The following COPG2 variants were observed in gnomAD, a reference collection of about 807,000 sequenced individuals.
COPG2 encodes coat protein complex I subunit gamma 2.
Under a neutral mutation model 46.3 loss-of-function variants are expected in COPG2, and 37 were observed. The ratio of observed to expected loss-of-function variants is 0.80; its 90% CI spans 0.61 to 1.05. The LOEUF is 1.05. Among genes scored for constraint, COPG2 ranks in the 50% least tolerant of loss-of-function variants. The pLI is 0.00. For missense variants in COPG2, 427 were observed against 387.8 expected, an observed-to-expected ratio of 1.10 and a Z score of -0.85; for synonymous variants, 159 against 129.7, an observed-to-expected ratio of 1.23 and a Z score of -1.53.
chr7:130,526,837 T>C (rs1799778914), intron 20 of COPG2, among the ~76,000 whole-genome samples: 1 of 41,440 alleles, frequency 2.4e-5, no homozygotes, highest in African/African-American at 9.3e-5. Context: ...GTGGTGGGGA[T>C]GGGGTTCGGG....
intron 4 of COPG2, among the ~76,000 whole-genome samples, chr7:130,654,729 T>G (rs201683483): frequency 6.6e-6 from 1 of 152,088 alleles, no homozygotes; most frequent in Non-Finnish European, 1.5e-5. Context: ...ACTTCCAAAG[T>G]ATTACCCCAC....
At chr7:130,654,573 CAT>C (rs1290265949) in intron 4 of COPG2, among the ~76,000 whole-genome samples, 24 of 152,100 alleles carry the variant, frequency 1.6e-4, no homozygotes, top group African/African-American at 3.6e-4. Context: ...TATATATACA[CAT>C]ATGTTGATAT....
At position 130,554,580 on chromosome 7, in the gene COPG2, G is replaced by A; in HGVS notation, c.1369C>T (p.His457Tyr). The A allele has an allele frequency of 2.5e-6, 1 of 398,598 alleles. No homozygotes were observed. The highest frequency in any genetic ancestry group is 4.4e-5 in the Admixed American group (1 of 22,734). The allele number at this position is 398,598 out of a possible 1,614,324, so 24.7% of individuals were successfully genotyped here. A position where few individuals can be genotyped will look rare whatever the true frequency, so the allele number is the denominator to read the frequency against. Residue 457 changes from histidine to tyrosine, a missense_variant, in exon 14 of 24, where the codon CAC (histidine) becomes TAC (tyrosine). By Grantham distance (83) the His-to-Tyr change is moderately conservative (BLOSUM62 2). Coordinates refer to ENST00000425248, the MANE Select transcript of COPG2 (RefSeq NM_012133.6). ...CTAGGGCCCTCTTTGCCCAACAAGT[G>A]TAGAATCTTAGTAGCCAGAACAGTG... is the stretch of plus-strand genomic sequence containing the variant. The part of the protein sequence containing the change: ...EHTVLATKIL[H>Y]LLGKEGPRTP...
chr7:130,563,136 A>G lies in COPG2; in HGVS notation c.939+133T>C, dbSNP rs904592739. ...AATGAGCATACTCAAGGCCACAAATACAAGTGAAGTGTTGTAGAGGTGAAG... is the reference window on the plus strand; with the variant it reads ...AATGAGCATACTCAAGGCCACAAATGCAAGTGAAGTGTTGTAGAGGTGAAG... On this transcript the variant is annotated intron_variant, in intron 11 of 23. Coordinates refer to ENST00000425248, the MANE Select transcript of COPG2 (RefSeq NM_012133.6). 403 of 385,150 alleles carry G rather than the reference A, an allele frequency of 1.0e-3. 1 individual carries two copies. The highest frequency in any genetic ancestry group is 1.0e-3 in the Non-Finnish European group (225 of 218,314). The allele number at this position is 385,150 out of a possible 1,614,324, so 23.9% of individuals were successfully genotyped here.
At chr7:130,546,677 G>T (rs1160462089) in intron 20 of COPG2, 1 of 152,236 alleles carries the variant, frequency 6.6e-6, no homozygotes, top group Non-Finnish European at 1.5e-5. Context: ...ACACAGATAA[G>T]ACTGGACAGG....
intron 9 of COPG2, chr7:130,605,323 G>A (rs2116489246): frequency 1.9e-6 from 1 of 513,152 alleles, no homozygotes; most frequent in East Asian, 5.5e-5. Context: ...AGATGTCTAT[G>A]TCTTCATTCC....
At position 130,506,523 on chromosome 7, in the gene COPG2, A is replaced by G; in HGVS notation, c.*153T>C. ...AAACAACCCATGCGCAAAGATAGAC[A>G]TTTGCTTGATCTGCTGGCTCAGGGC... On this transcript the variant is annotated 3_prime_UTR_variant, in exon 24 of 24. Transcript: ENST00000425248. The G allele has an allele frequency of 1.0e-5, 5 of 477,946 alleles. No homozygotes were observed. The South Asian group carries it at 1.5e-4, about 14-fold the overall frequency. 29.6% of individuals were successfully genotyped at this position (477,946 alleles called of 1,614,324 possible).
intron 4 of COPG2, among the ~76,000 whole-genome samples, chr7:130,661,177 A>T (rs1420314967): frequency 6.6e-6 from 1 of 152,220 alleles, no homozygotes; most frequent in East Asian, 1.9e-4. Flanking sequence ...AGACAATTTC[A>T]TATCTTCTTT....
At chr7:130,594,824 A>T (rs1794496257) in intron 9 of COPG2, among the ~76,000 whole-genome samples, 1 of 152,222 alleles carries the variant, frequency 6.6e-6, no homozygotes, top group South Asian at 2.1e-4. Flanking sequence ...CAACCTCTTT[A>T]CACCTACTGG....
At chr7:130,532,338 T>A (rs1042669105) in intron 20 of COPG2, among the ~76,000 whole-genome samples, 1 of 151,798 alleles carries the variant, frequency 6.6e-6, no homozygotes, top group African/African-American at 2.4e-5. Context: ...GGATGTGGGC[T>A]GTGCGGGTGA....
intron 20 of COPG2, 47 bp from the exon 21 acceptor site, chr7:130,508,706 A>AG (rs1409055519): frequency 1.6e-6 from 1 of 628,876 alleles, no homozygotes; most frequent in Non-Finnish European, 2.9e-6. Flanking sequence ...AGTGCAAGGG[A>AG]GACGTTTCCA....
intron 5 of COPG2, among the ~76,000 whole-genome samples, chr7:130,650,753 T>C (rs1164692511): frequency 6.6e-6 from 1 of 152,190 alleles, no homozygotes; most frequent in Non-Finnish European, 1.5e-5. Context: ...AGATTCCTGA[T>C]GAAAGAGGCA....
chr7:130,647,706 G>C (rs1007811733), intron 5 of COPG2, among the ~76,000 whole-genome samples: 2 of 150,514 alleles, frequency 1.3e-5, no homozygotes, highest in Admixed American at 1.3e-4. Context: ...AACCATTCTA[G>C]TGGGTATGCT....
rs1304961826 is a variant in COPG2, at chr7:130,616,925, C to A, written c.399+65G>T. ...GTCAGACTAGGAAATCCTACTAAAT[C>A]TACATGGCCACCTGCAGATAAACAT... On this transcript the variant is annotated intron_variant, in intron 6 of 23. Transcript: ENST00000425248. The A allele has an allele frequency of 6.9e-6, 7 of 1,016,586 alleles. No individual in the cohort carries two copies. In the Admixed American group the frequency reaches 8.4e-5, roughly 12 times the overall value. 63.0% of individuals were successfully genotyped at this position (1,016,586 alleles called of 1,614,324 possible).
intron 9 of COPG2, among the ~76,000 whole-genome samples, chr7:130,569,904 C>T (rs953825120): frequency 9.2e-5 from 14 of 152,086 alleles, no homozygotes; most frequent in Non-Finnish European, 1.6e-4. Context: ...GTTTAACATA[C>T]GCAAGTCAAT....
chr7:130,551,094 A>G, intron 16 of COPG2, 147 bp downstream of exon 16: 1 of 277,538 alleles, frequency 3.6e-6, no homozygotes, highest in Non-Finnish European at 7.2e-6. Context: ...AATATCCTAT[A>G]AACACAGGTT....
At chr7:130,569,135 C>T (rs1793852968) in intron 9 of COPG2, among the ~76,000 whole-genome samples, 1 of 152,062 alleles carries the variant, frequency 6.6e-6, no homozygotes, top group Non-Finnish European at 1.5e-5. Flanking sequence ...TAAGGTCAAA[C>T]CTCCAGGAAC....
At chr7:130,619,643 A>G (rs782592434) in intron 5 of COPG2, among the ~76,000 whole-genome samples, 2 of 152,178 alleles carry the variant, frequency 1.3e-5, no homozygotes, top group Non-Finnish European at 2.9e-5. Flanking sequence ...GCTCACTGGT[A>G]ATTCATTTCC....
chr7:130,567,110 G>A (rs1486496724), intron 9 of COPG2, among the ~76,000 whole-genome samples: 1 of 152,220 alleles, frequency 6.6e-6, no homozygotes, highest in Non-Finnish European at 1.5e-5. Context: ...CGATAGAGCT[G>A]GAGGCCATTA....
Sources: gnomAD v4.1 joint callset for allele counts (sites outside exome capture counted in the v4.1 genomes callset) on GRCh38, gnomAD v4.1.1 for gene constraint, MANE v1.5 for transcripts, NCBI Gene and HGNC (gene_info 2026-07-23, HGNC 2026-07-21) for gene names.